Variants in CAMTA1 observed in about 807,000 individuals in gnomAD.
The protein encoded by CAMTA1 is calmodulin-binding transcription activator 1.
CAMTA1 carries 27 observed loss-of-function variants against 170.9 expected under a neutral mutation model. The observed-to-expected ratio is 0.16, with a 90% CI of 0.12 to 0.22. The LOEUF is 0.22. Among genes scored for constraint, CAMTA1 ranks in the 10% least tolerant of loss-of-function variants. CAMTA1 has a pLI of 1.00. For missense variants in CAMTA1, 1,619 were observed against 2,217.2 expected, an observed-to-expected ratio of 0.73 and a Z score of 5.42; for synonymous variants, 833 against 891.5, an observed-to-expected ratio of 0.93 and a Z score of 1.17.
At chr1:6,820,642 C>G (rs1646379794) in intron 2 of CAMTA1, among the ~76,000 whole-genome samples, 1 of 152,168 alleles carries the variant, frequency 6.6e-6, no homozygotes, top group African/African-American at 2.4e-5. Flanking sequence ...AGCTGTGGAT[C>G]TTGGGCAAAT....
At chr1:6,811,873 A>G (rs1391478257) in intron 1 of CAMTA1, among the ~76,000 whole-genome samples, 1 of 152,196 alleles carries the variant, frequency 6.6e-6, no homozygotes, top group Non-Finnish European at 1.5e-5. Flanking sequence ...TACGAGAAAC[A>G]GTGTCATTCT....
At chr1:7,230,144 T>C (rs181901190) in intron 4 of CAMTA1, among the ~76,000 whole-genome samples, 1 of 152,056 alleles carries the variant, frequency 6.6e-6, no homozygotes, top group African/African-American at 2.4e-5. Flanking sequence ...AAGCCCAGCC[T>C]GGCCTGGCTC....
intron 5 of CAMTA1, among the ~76,000 whole-genome samples, chr1:7,444,988 G>T (rs999604002): frequency 7.5e-5 from 11 of 147,346 alleles, no homozygotes; most frequent in Non-Finnish European, 1.3e-4. Context: ...AACAGCCCAT[G>T]ATGTGGAATC....
intron 1 of CAMTA1, among the ~76,000 whole-genome samples, chr1:6,816,669 CACAGTGGCT>C (rs1645854438): frequency 6.6e-6 from 1 of 152,196 alleles, no homozygotes; most frequent in Admixed American, 6.5e-5. Flanking sequence ...GTCCTGTGGA[CACAGTGGCT>C]CACTGATTTG....
intron 3 of CAMTA1, among the ~76,000 whole-genome samples, chr1:6,848,864 G>A (rs1187585129): frequency 2.0e-5 from 3 of 152,126 alleles, no homozygotes; most frequent in Non-Finnish European, 2.9e-5. Context: ...GAAGAGGAGA[G>A]GGAGAAAGGG....
At position 7,664,919 on chromosome 1, in the gene CAMTA1, A is replaced by T. The variant is rs1308430249; in HGVS notation, c.2372A>T (p.Tyr791Phe). Residue 791 changes from tyrosine to phenylalanine, a missense_variant, in exon 9 of 23, where the codon TAT (tyrosine) becomes TTT (phenylalanine). Coordinates refer to ENST00000303635, the MANE Select transcript of CAMTA1 (RefSeq NM_015215.4). Reference sequence around the variant, plus strand: ...GTGGAGGGGGGCAGCAGCACCATCTATGGGCACCAGCTGGTGTCGGGGGAC... The same window carrying T: ...GTGGAGGGGGGCAGCAGCACCATCTTTGGGCACCAGCTGGTGTCGGGGGAC... ...ISVEGGSSTI[Y>F]GHQLVSGDST... 6.2e-7 allele frequency: 1 copy of T among 1,613,086 alleles called. No individual in the cohort carries two copies. The highest frequency in any genetic ancestry group is 8.5e-7 in the Non-Finnish European group (1 of 1,179,944).
At chr1:6,921,534 A>G (rs1682011475) in intron 3 of CAMTA1, among the ~76,000 whole-genome samples, 2 of 152,218 alleles carry the variant, frequency 1.3e-5, no homozygotes, top group Non-Finnish European at 2.9e-5. Flanking sequence ...TCTTTTCAGC[A>G]ATGCCCTACT....
chr1:7,655,171 CACACACCTAT>C (rs1209432849), intron 7 of CAMTA1, among the ~76,000 whole-genome samples: 2 of 142,192 alleles, frequency 1.4e-5, no homozygotes, highest in Non-Finnish European at 3.2e-5. Context: ...TACACACCCA[CACACACCTAT>C]ACACAAACAC....
rs1666639558 is a variant in CAMTA1 at position 7,251,511 on chromosome 1, CAGAG to C, written c.438+1890_438+1893del. Among the ~76,000 whole-genome samples the C allele has an allele frequency of 6.6e-6, 1 of 152,098 alleles. No individual in the cohort carries two copies. The stretch of plus-strand genomic sequence containing the variant: ...TGACACGATGCTTGCTTTGGGTTCT[CAGAG>C]AGAGGCCACCTACTATGATGCATTA... On this transcript the variant is annotated intron_variant, in intron 5 of 22. Coordinates refer to ENST00000303635, the MANE Select transcript of CAMTA1 (RefSeq NM_015215.4). The surrounding 1 kb of genome is among the most constrained non-coding windows in gnomAD (Gnocchi z 5.1).
rs779730103 is a variant in CAMTA1 at position 7,478,455 on chromosome 1, C to T, written c.510+10554C>T. Reference sequence around the variant, plus strand: ...CAGGACCTCTCCTGGCCTGGCCTGCCGACGCTCCTCTGTCCCTCAGCCCTT... The same window carrying T: ...CAGGACCTCTCCTGGCCTGGCCTGCTGACGCTCCTCTGTCCCTCAGCCCTT... On this transcript the variant is annotated intron_variant, in intron 6 of 22. Coordinates refer to ENST00000303635, the MANE Select transcript of CAMTA1 (RefSeq NM_015215.4). 5.9e-5 allele frequency among the ~76,000 whole-genome samples: 9 copies of T among 152,206 alleles called. 1 individual carries two copies. Among genetic ancestry groups the T allele is most frequent in the Admixed American group, 1.3e-4 (2 of 15,288 alleles).
At chr1:7,322,059 G>A (rs565329763) in intron 5 of CAMTA1, among the ~76,000 whole-genome samples, 1 of 152,304 alleles carries the variant, frequency 6.6e-6, no homozygotes, top group East Asian at 1.9e-4. Flanking sequence ...GGAAGATTTG[G>A]AAGAGTCTGA....
At chr1:6,820,361 GT>G in intron 2 of CAMTA1, 111 bp downstream of exon 2, 1 of 1,017,408 alleles carries the variant, frequency 9.8e-7, no homozygotes, top group Non-Finnish European at 1.5e-6. Context: ...GAAGACCTGG[GT>G]TCTGCACTTA....
chr1:6,858,427 C>T (rs1318558068), intron 3 of CAMTA1, among the ~76,000 whole-genome samples: 4 of 128,388 alleles, frequency 3.1e-5, no homozygotes, highest in Non-Finnish European at 6.2e-5. Flanking sequence ...TCAGCATTAT[C>T]CTTAAAGTGG....
intron 4 of CAMTA1, among the ~76,000 whole-genome samples, chr1:7,103,839 CACAT>C (rs1386097599): frequency 9.4e-5 from 6 of 63,780 alleles, no homozygotes; most frequent in Admixed American, 7.8e-4. Flanking sequence ...CACAACTACA[CACAT>C]GTACACACAA....
chr1:7,091,772 G>A (rs561210769), intron 4 of CAMTA1, among the ~76,000 whole-genome samples: 5 of 152,314 alleles, frequency 3.3e-5, no homozygotes, highest in Admixed American at 2.6e-4. Flanking sequence ...TCTACAAACT[G>A]AAAGTCAAGT....
At chr1:7,667,948 C>T (rs1253836389) in intron 9 of CAMTA1, among the ~76,000 whole-genome samples, 1 of 152,224 alleles carries the variant, frequency 6.6e-6, no homozygotes, top group African/African-American at 2.4e-5. Flanking sequence ...CCCCTTCCTC[C>T]TTGCTGTCCT....
At position 7,663,897 on chromosome 1, in the gene CAMTA1, G is replaced by A. The variant is rs12128526; in HGVS notation, c.1350G>A (p.Ser450=). 0.45 allele frequency: 723,451 copies of A among 1,613,416 alleles called. 163,641 individuals are homozygous for A. The highest frequency in any genetic ancestry group is 0.48 in the Admixed American group (29,053 of 59,986). ...TCGCCTTTCCCACCACGGGCAGCTC[G>A]GAGAGCCTGTCCATGCTGCCCACCA... ...HKFAFPTTGS[S]ESLSMLPTNV... Residue 450 remains serine (S), a synonymous_variant, in exon 9 of 23, where the codon TCG becomes TCA. Coordinates refer to ENST00000303635, the MANE Select transcript of CAMTA1 (RefSeq NM_015215.4).
intron 11 of CAMTA1, among the ~76,000 whole-genome samples, chr1:7,701,379 AG>A (rs1198974190): frequency 1.3e-5 from 2 of 152,112 alleles, no homozygotes; most frequent in Non-Finnish European, 2.9e-5. Flanking sequence ...GACCCTCAGC[AG>A]GGTTAGGGCT....
Position 6,955,714 on chromosome 1 carries a change from A to G in CAMTA1, c.234+130504A>G, listed in dbSNP as rs75596904. Among the ~76,000 whole-genome samples the G allele has an allele frequency of 2.8e-4, 42 of 152,258 alleles. 1 individual carries two copies. The highest frequency in any genetic ancestry group is 3.4e-3 in the Middle Eastern group (1 of 294). On this transcript the variant is annotated intron_variant, in intron 3 of 22. Transcript: ENST00000303635. ...GCCTGGTAAGATGTTCACGGGGCTT[A>G]GTGAACACGTGTCTAGCTGAGCCCC... is the stretch of plus-strand genomic sequence containing the variant.
Sources: allele counts gnomAD v4.1 joint callset (sites outside exome capture counted in the v4.1 genomes callset), GRCh38; gene constraint gnomAD v4.1.1; non-coding constraint Gnocchi (gnomAD v3.1); transcripts MANE v1.5; gene names NCBI Gene and HGNC (gene_info 2026-07-23, HGNC 2026-07-21).